MAGT1: variants seen among roughly 807,000 people sequenced by gnomAD.
MAGT1 encodes magnesium transporter 1.
In MAGT1, 4 loss-of-function variants were observed where a neutral mutation model predicts 28.4. The observed-to-expected ratio is 0.14, with a 90% confidence interval of 0.07 to 0.32. The LOEUF is 0.32. Among genes scored for constraint, MAGT1 ranks in the 10% least tolerant of loss-of-function variants. The probability of loss-of-function intolerance (pLI) is 1.00; values close to 1 mark genes in which losing one functional copy is unlikely to be tolerated. For missense variants in MAGT1, 193 were observed against 264.5 expected (o/e 0.73, Z 1.88); for synonymous variants, 89 against 89.7 (o/e 0.99, Z 0.04).
chrX:77,891,086 C>A (rs2077080939), intron 1 of MAGT1, among the ~76,000 whole-genome samples: 1 of 110,900 alleles, frequency 9.0e-6, no homozygotes, highest in African/African-American at 3.3e-5. Flanking sequence ...ATCATGCTGC[C>A]TCTCTAAGAT....
At chrX:77,857,601 G>A in intron 3 of MAGT1, 104 bp from the exon 4 acceptor site, 10 of 958,347 alleles carry the variant, frequency 1.0e-5, no homozygotes, top group Non-Finnish European at 1.3e-5. Context: ...GGAGGCCTGG[G>A]TTTAGGTAGG....
intron 7 of MAGT1, among the ~76,000 whole-genome samples, chrX:77,849,414 T>A (rs2076960849): frequency 9.1e-6 from 1 of 110,195 alleles, no homozygotes; most frequent in South Asian, 3.9e-4. Context: ...TAAAAAAAAA[T>A]AGGTAAAATA....
At chrX:77,885,020 C>A (rs2077063523) in intron 1 of MAGT1, among the ~76,000 whole-genome samples, 1 of 103,088 alleles carries the variant, frequency 9.7e-6, no homozygotes, top group Non-Finnish European at 2.0e-5. Context: ...CGAGATCATG[C>A]CACTGCACTT....
intron 7 of MAGT1, among the ~76,000 whole-genome samples, chrX:77,843,966 T>A (rs1557214645): frequency 8.9e-6 from 1 of 111,984 alleles, no homozygotes; most frequent in East Asian, 2.8e-4. Context: ...CCTCATAAAA[T>A]GAGTCAAGGA....
intron 5 of MAGT1, 65 bp from the exon 6 acceptor site, chrX:77,855,655 G>A (rs956910411): frequency 1.2e-5 from 10 of 855,032 alleles, no homozygotes; most frequent in Admixed American, 9.8e-5. Context: ...TAGATAACAG[G>A]AATATGAAAA....
chrX:77,884,602 C>G (rs191404054), intron 1 of MAGT1, among the ~76,000 whole-genome samples: 59 of 110,277 alleles, frequency 5.4e-4, no homozygotes, highest in African/African-American at 1.9e-3. Flanking sequence ...ACGTCTTAGG[C>G]CAGATCATTG....
At chrX:77,889,376 ATT>A (rs1450634097) in intron 1 of MAGT1, among the ~76,000 whole-genome samples, 2 of 95,655 alleles carry the variant, frequency 2.1e-5, no homozygotes, top group African/African-American at 3.8e-5. Flanking sequence ...ATATATATAT[ATT>A]TTTTTTTTTG....
intron 3 of MAGT1, among the ~76,000 whole-genome samples, chrX:77,862,745 A>T (rs1451224206): frequency 9.0e-6 from 1 of 111,605 alleles, no homozygotes; most frequent in Non-Finnish European, 1.9e-5. Flanking sequence ...TTATTATTAG[A>T]AAAGCTCCTT....
At chrX:77,835,996 T>C (rs1408912846) in intron 8 of MAGT1, among the ~76,000 whole-genome samples, 2 of 110,629 alleles carry the variant, frequency 1.8e-5, no homozygotes, top group Non-Finnish European at 3.8e-5. Context: ...AGATACGGGG[T>C]TTTACCACGT....
chrX:77,865,587 C>T (rs1157923056), intron 3 of MAGT1, among the ~76,000 whole-genome samples: 3 of 110,985 alleles, frequency 2.7e-5, no homozygotes, highest in Admixed American at 9.7e-5. Context: ...GCCAACCGCA[C>T]CTGGCTGTAA....
At chrX:77,843,776 C>A (rs960527222) in intron 7 of MAGT1, among the ~76,000 whole-genome samples, 7 of 111,924 alleles carry the variant, frequency 6.3e-5, no homozygotes, top group African/African-American at 2.3e-4. Flanking sequence ...TGTTGCTGTG[C>A]TGCACCCATT....
At chrX:77,864,284 TGCGGGA>T (rs1414479833) in intron 3 of MAGT1, among the ~76,000 whole-genome samples, 7 of 95,555 alleles carry the variant, frequency 7.3e-5, no homozygotes, top group Non-Finnish European at 1.5e-4. Flanking sequence ...GGGGGAGGGG[TGCGGGA>T]GCGGGCAATG....
intron 1 of MAGT1, among the ~76,000 whole-genome samples, chrX:77,894,896 C>T (rs1034298722): frequency 4.5e-5 from 5 of 111,869 alleles, no homozygotes; most frequent in Admixed American, 3.8e-4. Flanking sequence ...CTCTCACACT[C>T]CTGAAATGAA....
intron 8 of MAGT1, chrX:77,837,413 A>G (rs2076922243): frequency 9.0e-6 from 1 of 111,601 alleles, no homozygotes; most frequent in South Asian, 3.7e-4. Context: ...AATTTTAAAA[A>G]CTGATACATT....
intron 3 of MAGT1, among the ~76,000 whole-genome samples, chrX:77,865,668 T>A (rs1337462403): frequency 2.7e-5 from 3 of 111,687 alleles, no homozygotes; most frequent in Non-Finnish European, 5.6e-5. Flanking sequence ...TGGATAAATG[T>A]ATAACAGAAA....
Position 77,856,822 on chromosome X carries a change from G to A in MAGT1, c.583C>T (p.Leu195Phe), listed in dbSNP as rs782783057. 8.3e-6 allele frequency: 10 copies of A among 1,204,952 alleles called. No homozygotes were observed. The Middle Eastern group carries it at 1.6e-3, about 193-fold the overall frequency. ...NYAGPLMLGL[L>F]LAVIGGLVYL... ...ACAAGTCCACCAATAACAGCCAAAA[G>A]CAATCCCAACATAAGGGGACCAGCA... is the stretch of plus-strand genomic sequence containing the variant. Residue 195 changes from leucine to phenylalanine, a missense_variant, in exon 5 of 10, where the codon CTT becomes TTT. Transcript: ENST00000618282.
chrX:77,877,749 G>A (rs983797549), intron 1 of MAGT1, among the ~76,000 whole-genome samples: 1 of 108,054 alleles, frequency 9.3e-6, no homozygotes, highest in Non-Finnish European at 1.9e-5. Context: ...GGAGGCGGAG[G>A]TTGCGGTGAG....
chrX:77,887,037 CTTTT>C (rs1401153469), intron 1 of MAGT1, among the ~76,000 whole-genome samples: 1 of 111,786 alleles, frequency 8.9e-6, no homozygotes, highest in African/African-American at 3.2e-5. Context: ...CACTGGTCCT[CTTTT>C]TTGTCTTCTT....
At chrX:77,888,809 T>C (rs915323604) in intron 1 of MAGT1, among the ~76,000 whole-genome samples, 76 of 111,035 alleles carry the variant, frequency 6.8e-4, no homozygotes, top group Non-Finnish European at 1.2e-3. Context: ...ACACAGTAGG[T>C]ATATATATTT....
Sources: allele counts gnomAD v4.1 joint callset (sites outside exome capture counted in the v4.1 genomes callset), GRCh38; gene constraint gnomAD v4.1.1; transcripts MANE v1.5; gene names NCBI Gene and HGNC (gene_info 2026-07-23, HGNC 2026-07-21).